The following USP15 variants were observed in gnomAD, a reference collection of about 807,000 sequenced individuals.
USP15 encodes the protein ubiquitin carboxyl-terminal hydrolase 15.
USP15 carries 18 observed loss-of-function variants against 127.1 expected under a neutral mutation model. The observed-to-expected ratio is 0.14, with a 90% CI of 0.10 to 0.21. USP15 has a LOEUF of 0.21. Ranked by LOEUF, USP15 falls within the 10% of genes least tolerant of loss-of-function variation. The pLI is 1.00. For synonymous variants in USP15, 364 were observed against 393.7 expected (o/e 0.92, Z 0.89); for missense variants, 805 against 1,159.9 (o/e 0.69, Z 4.44).
At chr12:62,291,372 C>A (rs1234224133) in intron 1 of USP15, among the ~76,000 whole-genome samples, 2 of 152,082 alleles carry the variant, frequency 1.3e-5, no homozygotes, top group Non-Finnish European at 2.9e-5. Flanking sequence ...TTTTGTAAAT[C>A]CTTCAGTGAA....
At chr12:62,307,848 C>T (rs777077480) in intron 3 of USP15, among the ~76,000 whole-genome samples, 1 of 152,084 alleles carries the variant, frequency 6.6e-6, no homozygotes, top group African/African-American at 2.4e-5. Context: ...ATTCACTTCA[C>T]CTCTTCTCAT....
chr12:62,374,675 A>T (rs2066767622), intron 8 of USP15: 1 of 804,892 alleles, frequency 1.2e-6, no homozygotes, highest in Non-Finnish European at 1.5e-6. Flanking sequence ...TAAAAAACTT[A>T]TGTAGAAATT....
At chr12:62,330,297 A>C (rs1473520504) in intron 6 of USP15, among the ~76,000 whole-genome samples, 1 of 151,986 alleles carries the variant, frequency 6.6e-6, no homozygotes, top group Non-Finnish European at 1.5e-5. Context: ...CTTGAAAAAA[A>C]AACAAATGGG....
intron 8 of USP15, among the ~76,000 whole-genome samples, chr12:62,379,363 C>T (rs1224541413): frequency 2.0e-5 from 3 of 152,052 alleles, no homozygotes; most frequent in Non-Finnish European, 2.9e-5. Flanking sequence ...AAAAGACAGA[C>T]CCTTCTAAGA....
chr12:62,278,362 G>A (rs2063552524), intron 1 of USP15, among the ~76,000 whole-genome samples: 1 of 152,086 alleles, frequency 6.6e-6, no homozygotes, highest in South Asian at 2.1e-4. Flanking sequence ...AACGATTATA[G>A]TAACAAAGTA....
chr12:62,346,444 T>C (rs77963164), intron 6 of USP15, among the ~76,000 whole-genome samples: 6,198 of 152,170 alleles, frequency 0.041, 169 homozygotes, highest in African/African-American at 0.057. Flanking sequence ...AATAACACTT[T>C]GATATTATTA....
In USP15 at chr12:62,280,176, AAT is replaced by A. The variant is rs2063608498; in HGVS notation, c.90-14000_90-13999del. Reference sequence around the variant, plus strand: ...CTTAATAAAGGTAATAATTAACCTTAATATGTTAATAATTAATAATAAATTAA... The same window carrying A: ...CTTAATAAAGGTAATAATTAACCTTAATGTTAATAATTAATAATAAATTAA... On this transcript the variant is annotated intron_variant, in intron 1 of 21. Coordinates refer to ENST00000280377, the MANE Select transcript of USP15 (RefSeq NM_001252078.2). Among the ~76,000 whole-genome samples, 3 of 152,194 alleles carry A rather than the reference AAT, an allele frequency of 2.0e-5. No homozygotes were observed. The South Asian group carries it at 6.2e-4, about 32-fold the overall frequency.
Position 62,405,157 on chromosome 12 carries a change from T to A in USP15, c.*782T>A, listed in dbSNP as rs2067826030. ...TTTAAAATGCATATCTTTAATTGGG[T>A]GTTGGTCCAAAATTAAAATTTTTGC... On this transcript the variant is annotated 3_prime_UTR_variant, in exon 22 of 22. Coordinates refer to ENST00000280377, the MANE Select transcript of USP15 (RefSeq NM_001252078.2). 6.6e-6 allele frequency: 1 copy of A among 152,084 alleles called. No individual in the cohort carries two copies. Among genetic ancestry groups the A allele is most frequent in the Non-Finnish European group, 1.5e-5 (1 of 67,980 alleles). 9.4% of individuals were successfully genotyped at this position (152,084 alleles called of 1,614,324 possible).
intron 3 of USP15, among the ~76,000 whole-genome samples, chr12:62,314,313 T>C (rs76171376): frequency 0.041 from 6,182 of 152,000 alleles, 170 homozygotes; most frequent in African/African-American, 0.057. Flanking sequence ...GTTCAAATTG[T>C]ATAAACAACT....
In USP15 at chr12:62,260,559, C is replaced by T; in HGVS notation, c.89+56C>T. ...TGCCCGAGGATAGTGGAGAAGTGGG[C>T]GGGAGCCGCGAGCTGGTTCTTTCGC... is the stretch of plus-strand genomic sequence containing the variant. On this transcript the variant is annotated intron_variant, in intron 1 of 21. Coordinates refer to ENST00000280377, the MANE Select transcript of USP15 (RefSeq NM_001252078.2). 13 of 1,483,206 alleles carry T rather than the reference C, an allele frequency of 8.8e-6. 1 individual carries two copies. In the Middle Eastern group the frequency reaches 1.9e-3, roughly 213 times the overall value. 91.9% of individuals were successfully genotyped at this position (1,483,206 alleles called of 1,614,324 possible).
intron 8 of USP15, chr12:62,374,675 A>G: frequency 3.7e-6 from 3 of 804,892 alleles, no homozygotes; most frequent in South Asian, 5.7e-5. Flanking sequence ...TAAAAAACTT[A>G]TGTAGAAATT....
At chr12:62,280,607 C>G (rs1050029372) in intron 1 of USP15, among the ~76,000 whole-genome samples, 15 of 152,028 alleles carry the variant, frequency 9.9e-5, no homozygotes, top group African/African-American at 3.4e-4. Context: ...AGGACTCTGC[C>G]CTTATGATCT....
chr12:62,335,654 C>T, intron 6 of USP15: 1 of 987,372 alleles, frequency 1.0e-6, no homozygotes, highest in Non-Finnish European at 1.2e-6. Context: ...AATATAAACA[C>T]ATCTTCATCT....
At chr12:62,289,828 A>T (rs2063905980) in intron 1 of USP15, among the ~76,000 whole-genome samples, 1 of 151,724 alleles carries the variant, frequency 6.6e-6, no homozygotes, top group South Asian at 2.1e-4. Context: ...ATTCATTTAA[A>T]CATTTTTTAA....
In USP15 at chr12:62,408,776, G is replaced by T. The variant is rs2067958741; in HGVS notation, c.*4401G>T. ...TATATTATATATCATTTTATTATCA[G>T]ATTTTCTAGTGAGAAATATATATGA... On this transcript the variant is annotated 3_prime_UTR_variant, in exon 22 of 22. Transcript: ENST00000280377. 1 of 151,916 alleles carries T rather than the reference G, an allele frequency of 6.6e-6. No individual in the cohort carries two copies. Among genetic ancestry groups the T allele is most frequent in the Admixed American group, 6.6e-5 (1 of 15,230 alleles). 9.4% of individuals were successfully genotyped at this position (151,916 alleles called of 1,614,324 possible).
At chr12:62,320,179 A>C (rs10877826) in intron 4 of USP15, among the ~76,000 whole-genome samples, 34,096 of 152,014 alleles carry the variant, frequency 0.22, 4,173 homozygotes, top group African/African-American at 0.34. Context: ...GTAATCCCCC[A>C]TGTGTTGGAG....
At position 62,384,157 on chromosome 12, in the gene USP15, A is replaced by G. The variant is rs761185172; in HGVS notation, c.1328A>G (p.Lys443Arg). 6.2e-7 allele frequency: 1 copy of G among 1,613,088 alleles called. No homozygotes were observed. The change falls in exon 11 of 22, where the codon AAA becomes AGA. Residue 443 changes from lysine (K) to arginine (R), a missense_variant. Transcript: ENST00000280377. The stretch of plus-strand genomic sequence containing the variant: ...GTAGATATATTTCATGGCCTTTTCA[A>G]ATCAACTTTAGTTTGTCCTGAGTGT... ...IIVDIFHGLF[K>R]STLVCPECAK...
In USP15 at chr12:62,349,295, T is replaced by A. The variant is rs2065903747; in HGVS notation, c.758T>A (p.Met253Lys). The change falls in exon 7 of 22, where the codon ATG (methionine) becomes AAG (lysine). Residue 253 changes from methionine to lysine, a missense_variant. By Grantham distance (95) the Met-to-Lys change is moderately conservative. Coordinates refer to ENST00000280377, the MANE Select transcript of USP15 (RefSeq NM_001252078.2). ...PSSLSNNYNN[M>K]NNRNVKNSNY... ...TCTCTATCAAATAATTATAACAACA[T>A]GAACAACAGAAAGTAAGCACTGAAT... 4.0e-6 allele frequency: 6 copies of A among 1,486,048 alleles called. No homozygotes were observed. The African/African-American group carries it at 8.5e-5, about 21-fold the overall frequency. The allele number at this position is 1,486,048 out of a possible 1,614,324, so 92.1% of individuals were successfully genotyped here.
intron 6 of USP15, among the ~76,000 whole-genome samples, chr12:62,328,841 GTATAAA>G (rs2065205079): frequency 6.6e-6 from 1 of 152,118 alleles, no homozygotes; most frequent in Admixed American, 6.5e-5. Flanking sequence ...AAATAGATTG[GTATAAA>G]CTAGTAATCT....
Sources: gnomAD v4.1 joint callset for allele counts (sites outside exome capture counted in the v4.1 genomes callset) on GRCh38, gnomAD v4.1.1 for gene constraint, MANE v1.5 for transcripts, NCBI Gene and HGNC (gene_info 2026-07-23, HGNC 2026-07-21) for gene names.